Variants in TRAPPC9 observed in about 807,000 individuals in gnomAD.
TRAPPC9 encodes IKK2 binding protein.
In TRAPPC9, 83 loss-of-function variants were observed where a neutral mutation model predicts 124.0. The observed-to-expected ratio is 0.67, with a 90% CI of 0.56 to 0.80. The LOEUF is 0.80. TRAPPC9 is among the 30% of genes least tolerant of loss of function. The probability of loss-of-function intolerance (pLI) is 0.00; values close to 1 mark genes in which losing one functional copy is unlikely to be tolerated. For missense variants in TRAPPC9, 1,302 were observed against 1,508.3 expected (o/e 0.86, Z 2.27); for synonymous variants, 638 against 617.5 (o/e 1.03, Z -0.49).
chr8:139,940,895 A>T (rs1391486079), intron 19 of TRAPPC9, among the ~76,000 whole-genome samples: 1 of 152,108 alleles, frequency 6.6e-6, no homozygotes, highest in Non-Finnish European at 1.5e-5. Context: ...GGTGAAGGGG[A>T]GCTGGGGAAG....
chr8:140,004,942 G>A (rs1029853835), intron 18 of TRAPPC9, among the ~76,000 whole-genome samples: 4 of 152,332 alleles, frequency 2.6e-5, no homozygotes, highest in African/African-American at 9.6e-5. Context: ...TTAAAATTCT[G>A]TAAGCCTGCC....
rs897246630 is a variant in TRAPPC9 at position 140,456,783 on chromosome 8, A to T, written c.-11+856T>A. 7 of 985,266 alleles carry T rather than the reference A, an allele frequency of 7.1e-6. No individual in the cohort carries two copies. The East Asian group carries it at 7.9e-4, about 112-fold the overall frequency. The allele number at this position is 985,266 out of a possible 1,614,324, so 61.0% of individuals were successfully genotyped here. A position where few individuals can be genotyped will look rare whatever the true frequency, so the allele number is the denominator to read the frequency against. On this transcript the variant is annotated intron_variant, in intron 1 of 22. Coordinates refer to ENST00000438773, the MANE Select transcript of TRAPPC9 (RefSeq NM_001160372.4). ...CTGGGGCCGTGAGGGATGGAAGGGA[A>T]GTCACTCCCCCATACCTTTCAACTG...
rs1048133686 is a variant in TRAPPC9, at chr8:139,962,790, A to C, written c.2810+25936T>G. 5.6e-4 allele frequency among the ~76,000 whole-genome samples: 69 copies of C among 124,236 alleles called. 8 individuals are homozygous for C. Among genetic ancestry groups the C allele is most frequent in the African/African-American group, 1.7e-3 (67 of 39,292 alleles). The allele number at this position is 124,236 out of a possible 152,430, so 81.5% of individuals were successfully genotyped here. ...CAGCATCACAGCCTTGAGCAGCATA[A>C]GGGTCCTTATAATGGAGAGAGGGAG... On this transcript the variant is annotated intron_variant, in intron 19 of 22. Transcript: ENST00000438773.
intron 7 of TRAPPC9, among the ~76,000 whole-genome samples, chr8:140,383,444 T>C (rs1013369414): frequency 1.3e-5 from 2 of 152,114 alleles, no homozygotes; most frequent in African/African-American, 2.4e-5. Context: ...CTAACTAGAA[T>C]AACCAGTGTA....
At chr8:140,022,372 G>C (rs918592865) in intron 18 of TRAPPC9, among the ~76,000 whole-genome samples, 1 of 152,164 alleles carries the variant, frequency 6.6e-6, no homozygotes, top group Non-Finnish European at 1.5e-5. Flanking sequence ...CAAAAGAAAA[G>C]GGAGCAAGGG....
chr8:139,854,692 T>A (rs1451647502), intron 21 of TRAPPC9, among the ~76,000 whole-genome samples: 1 of 152,236 alleles, frequency 6.6e-6, no homozygotes, highest in Non-Finnish European at 1.5e-5. Flanking sequence ...TAGTAGGTGC[T>A]GCTCTCATCC....
At chr8:140,070,310 A>C (rs1349609951) in intron 17 of TRAPPC9, among the ~76,000 whole-genome samples, 1 of 152,254 alleles carries the variant, frequency 6.6e-6, no homozygotes, top group Non-Finnish European at 1.5e-5. Flanking sequence ...GATATGTGTT[A>C]ACATGCAGCC....
chr8:140,025,565 C>CAAAAAAAAAAAAAAAAAAAG (rs11329773), intron 17 of TRAPPC9, among the ~76,000 whole-genome samples: 1 of 123,848 alleles, frequency 8.1e-6, no homozygotes, highest in Non-Finnish European at 1.7e-5. Flanking sequence ...AAGCAAAATG[C>CAAAAAAAAAAAAAAAAAAAG]AAAAAAAAAA....
intron 21 of TRAPPC9, among the ~76,000 whole-genome samples, chr8:139,759,863 C>T (rs1820104439): frequency 6.6e-6 from 1 of 152,176 alleles, no homozygotes; most frequent in African/African-American, 2.4e-5. Context: ...GCAGCGCAGC[C>T]TGCCGGCAGC....
At chr8:139,866,260 C>G (rs967246881) in intron 21 of TRAPPC9, among the ~76,000 whole-genome samples, 2 of 152,168 alleles carry the variant, frequency 1.3e-5, no homozygotes, top group African/African-American at 2.4e-5. Flanking sequence ...AGGAATATTC[C>G]ACCCCCACGT....
At chr8:140,113,587 A>C (rs1460068949) in intron 17 of TRAPPC9, among the ~76,000 whole-genome samples, 1 of 152,198 alleles carries the variant, frequency 6.6e-6, no homozygotes, top group Non-Finnish European at 1.5e-5. Context: ...GGCGTGGAGA[A>C]GTCAGGGAGG....
intron 4 of TRAPPC9, among the ~76,000 whole-genome samples, chr8:140,433,365 G>C (rs143058896): frequency 6.6e-6 from 1 of 152,148 alleles, no homozygotes; most frequent in South Asian, 2.1e-4. Flanking sequence ...GAGGCAGGCA[G>C]ATCACTTATG....
chr8:140,340,116 G>A (rs2067151661), intron 9 of TRAPPC9, among the ~76,000 whole-genome samples: 1 of 152,140 alleles, frequency 6.6e-6, no homozygotes, highest in Non-Finnish European at 1.5e-5. Context: ...CAAAGTACTG[G>A]GATTTACAGG....
At chr8:140,069,309 AC>A (rs2129766603) in intron 17 of TRAPPC9, among the ~76,000 whole-genome samples, 1 of 152,190 alleles carries the variant, frequency 6.6e-6, no homozygotes, top group Admixed American at 6.5e-5. Flanking sequence ...TTCCCTGCCC[AC>A]CCCACCTGGG....
At chr8:140,288,602 A>G (rs1364900007) in intron 12 of TRAPPC9, among the ~76,000 whole-genome samples, 1 of 152,180 alleles carries the variant, frequency 6.6e-6, no homozygotes, top group African/African-American at 2.4e-5. Flanking sequence ...GAAAAGTCAT[A>G]CAGGCAATTA....
intron 21 of TRAPPC9, among the ~76,000 whole-genome samples, chr8:139,744,857 A>G (rs1818786812): frequency 1.3e-5 from 2 of 152,224 alleles, no homozygotes; most frequent in South Asian, 4.1e-4. Context: ...TTAAAGATTA[A>G]AGGGAATTAA....
chr8:139,935,103 C>A (rs1833427231), intron 19 of TRAPPC9, among the ~76,000 whole-genome samples: 1 of 152,136 alleles, frequency 6.6e-6, no homozygotes, highest in African/African-American at 2.4e-5. Context: ...CTCATGGGAG[C>A]CCCGAAAGAC....
rs930743427 is a variant in TRAPPC9 at position 140,353,031 on chromosome 8, C to T, written c.1495+7019G>A. Among the ~76,000 whole-genome samples the T allele has an allele frequency of 2.6e-5, 4 of 152,142 alleles. No individual in the cohort carries two copies. Among genetic ancestry groups the T allele is most frequent in the Non-Finnish European group, 5.9e-5 (4 of 68,032 alleles). ...CCTTAAAACAATCCCACAAGGTAGACGCAAAAACCAAGACACAGATAGGGT... is the reference window on the plus strand; with the variant it reads ...CCTTAAAACAATCCCACAAGGTAGATGCAAAAACCAAGACACAGATAGGGT... On this transcript the variant is annotated intron_variant, in intron 9 of 22. Coordinates refer to ENST00000438773, the MANE Select transcript of TRAPPC9 (RefSeq NM_001160372.4). This position sits in a 1 kb window ranked among gnomAD's most constrained non-coding sequence, Gnocchi z 4.2.
At chr8:140,455,000 C>T (rs528031928) in intron 1 of TRAPPC9, among the ~76,000 whole-genome samples, 1 of 151,152 alleles carries the variant, frequency 6.6e-6, no homozygotes, top group East Asian at 1.9e-4. Context: ...TAAGCTAATA[C>T]AGGTATTAAA....
Sources: gnomAD v4.1 joint callset for allele counts (sites outside exome capture counted in the v4.1 genomes callset) on GRCh38, gnomAD v4.1.1 for gene constraint, Gnocchi (gnomAD v3.1) non-coding constraint, MANE v1.5 for transcripts, NCBI Gene and HGNC (gene_info 2026-07-23, HGNC 2026-07-21) for gene names.